CDC42SE2: variants seen among roughly 807,000 people sequenced by gnomAD.
CDC42SE2 encodes CDC42 small effector protein 2.
CDC42SE2 carries 3 observed loss-of-function variants against 11.5 expected under a neutral mutation model. The ratio of observed to expected loss-of-function variants is 0.26; its 90% CI spans 0.12 to 0.67. The LOEUF (loss-of-function observed/expected upper bound fraction) is 0.67, where lower values mean the gene tolerates loss of function less well. CDC42SE2 is among the 30% of genes least tolerant of loss of function. The pLI is 0.80. For synonymous variants in CDC42SE2, 33 were observed against 34.8 expected (o/e 0.95, Z 0.18); for missense variants, 82 against 106.8 (o/e 0.77, Z 1.02).
intron 2 of CDC42SE2, among the ~76,000 whole-genome samples, chr5:131,320,999 CCTT>C (rs1758175894): frequency 6.6e-6 from 1 of 152,186 alleles, no homozygotes; most frequent in African/African-American, 2.4e-5. Context: ...GTTAGGGAAG[CCTT>C]CTTAGAAAAC....
chr5:131,224,531 G>A, the CDC42SE2 span, among the ~76,000 whole-genome samples: 1 of 151,946 alleles, frequency 6.6e-6, no homozygotes. Flanking sequence ...CCACTTCCTT[G>A]GTTACTGCCC....
At chr5:131,387,370 GA>G (rs1454911576) in intron 4 of CDC42SE2, among the ~76,000 whole-genome samples, 1 of 152,076 alleles carries the variant, frequency 6.6e-6, no homozygotes, top group Non-Finnish European at 1.5e-5. Context: ...GCAATGTAGT[GA>G]AACCCTGTCT....
intron 2 of CDC42SE2, among the ~76,000 whole-genome samples, chr5:131,339,039 A>G (rs913502227): frequency 6.6e-6 from 1 of 152,040 alleles, no homozygotes; most frequent in Admixed American, 6.6e-5. Context: ...TGAGGTCAGA[A>G]GATCGAGACC....
chr5:131,214,850 T>A, the CDC42SE2 span, among the ~76,000 whole-genome samples: 1 of 152,224 alleles, frequency 6.6e-6, no homozygotes, highest in Non-Finnish European at 1.5e-5. Flanking sequence ...TGTCAGCTTC[T>A]GCAGCCAACA....
chr5:131,247,414 C>T (rs1756604425), intron 1 of CDC42SE2, among the ~76,000 whole-genome samples: 2 of 151,986 alleles, frequency 1.3e-5, no homozygotes, highest in Admixed American at 6.6e-5. Context: ...GTCAGGAGTT[C>T]AAGACCAGTT....
chr5:131,390,135 A>C (rs1387270008), intron 4 of CDC42SE2, among the ~76,000 whole-genome samples: 1 of 152,216 alleles, frequency 6.6e-6, no homozygotes, highest in Non-Finnish European at 1.5e-5. Context: ...CCTGATACTC[A>C]GAGAGGATAA....
At chr5:131,227,994 C>A in the CDC42SE2 span, among the ~76,000 whole-genome samples, 3 of 152,214 alleles carry the variant, frequency 2.0e-5, no homozygotes, top group Non-Finnish European at 4.4e-5. Flanking sequence ...TAGAGACCAG[C>A]GTGGCCCTGT....
chr5:131,291,270 G>A (rs561579971), intron 1 of CDC42SE2, among the ~76,000 whole-genome samples: 1 of 152,086 alleles, frequency 6.6e-6, no homozygotes, highest in African/African-American at 2.4e-5. Context: ...CAGAATGGTG[G>A]TTCCCTACCC....
At chr5:131,313,928 A>G (rs1359566390) in intron 1 of CDC42SE2, among the ~76,000 whole-genome samples, 1 of 152,132 alleles carries the variant, frequency 6.6e-6, no homozygotes, top group Non-Finnish European at 1.5e-5. Flanking sequence ...CCTGGGTTCA[A>G]GCGATCCTCC....
intron 4 of CDC42SE2, among the ~76,000 whole-genome samples, chr5:131,386,941 G>A (rs1210110517): frequency 6.6e-6 from 1 of 152,234 alleles, no homozygotes; most frequent in Admixed American, 6.5e-5. Flanking sequence ...GCAGTTACTA[G>A]GTAAGCAAAG....
At chr5:131,366,508 G>C (rs545326342) in intron 3 of CDC42SE2, among the ~76,000 whole-genome samples, 1 of 152,024 alleles carries the variant, frequency 6.6e-6, no homozygotes, top group East Asian at 1.9e-4. Context: ...AATGTTTTTC[G>C]GTTGAGAATG....
In CDC42SE2 at chr5:131,330,884, G is replaced by C. The variant is rs181972190; in HGVS notation, c.-286+14740G>C. Reference sequence around the variant, plus strand: ...AAAAAAAAAAAAATTTAAGTAGCTTGGCTTGGTGGTGCATGCCTGTAGTCA... The same window carrying C: ...AAAAAAAAAAAAATTTAAGTAGCTTCGCTTGGTGGTGCATGCCTGTAGTCA... On this transcript the variant is annotated intron_variant, in intron 2 of 4. Transcript: ENST00000505065. 2.4e-4 allele frequency among the ~76,000 whole-genome samples: 36 copies of C among 151,732 alleles called. No individual in the cohort carries two copies. In the East Asian group the frequency reaches 7.0e-3, roughly 29 times the overall value.
At chr5:131,352,325 T>C (rs1381024558) in intron 2 of CDC42SE2, among the ~76,000 whole-genome samples, 1 of 152,208 alleles carries the variant, frequency 6.6e-6, no homozygotes, top group Non-Finnish European at 1.5e-5. Flanking sequence ...GTAAACAGAT[T>C]GTATAATATC....
chr5:131,350,430 A>G (rs917000797), intron 2 of CDC42SE2, among the ~76,000 whole-genome samples: 12 of 152,098 alleles, frequency 7.9e-5, no homozygotes, highest in Admixed American at 1.3e-4. Flanking sequence ...TTACAGAAGT[A>G]AAACTTAACA....
chr5:131,343,168 T>C (rs1196506498), intron 2 of CDC42SE2, among the ~76,000 whole-genome samples: 1 of 151,572 alleles, frequency 6.6e-6, no homozygotes, highest in South Asian at 2.1e-4. Flanking sequence ...AAGAGTAACA[T>C]AGAAATAGAT....
intron 1 of CDC42SE2, among the ~76,000 whole-genome samples, chr5:131,314,530 C>T (rs937872378): frequency 4.6e-5 from 7 of 152,056 alleles, no homozygotes; most frequent in South Asian, 4.1e-4. Flanking sequence ...TATGAGCCAC[C>T]GTGCCTGGCT....
intron 1 of CDC42SE2, among the ~76,000 whole-genome samples, chr5:131,299,282 C>T (rs745546382): frequency 3.9e-5 from 6 of 152,036 alleles, no homozygotes; most frequent in Non-Finnish European, 7.4e-5. Flanking sequence ...AAATGGGGAA[C>T]AAATTGGAGG....
intron 1 of CDC42SE2, among the ~76,000 whole-genome samples, chr5:131,293,503 C>T (rs944802896): frequency 2.0e-5 from 3 of 147,594 alleles, no homozygotes; most frequent in Non-Finnish European, 3.0e-5. Flanking sequence ...ACCCGGGAGG[C>T]GGAGGTTGCA....
chr5:131,282,653 G>T (rs1757259996), intron 1 of CDC42SE2, among the ~76,000 whole-genome samples: 2 of 151,926 alleles, frequency 1.3e-5, no homozygotes, highest in Admixed American at 1.3e-4. Flanking sequence ...TATTGAGATG[G>T]AATCTTGCTC....
Sources: gnomAD v4.1 joint callset for allele counts (sites outside exome capture counted in the v4.1 genomes callset) on GRCh38, gnomAD v4.1.1 for gene constraint, MANE v1.5 for transcripts, NCBI Gene and HGNC (gene_info 2026-07-23, HGNC 2026-07-21) for gene names.